SEMA4F: variants seen among roughly 807,000 people sequenced by gnomAD.
SEMA4F encodes ssemaphorin 4F, also known as semaphorin-4F.
SEMA4F carries 51 observed loss-of-function variants against 78.4 expected under a neutral mutation model. That is an observed-to-expected ratio of 0.65 (90% CI 0.52 to 0.82). SEMA4F has a LOEUF of 0.82. Ranked by LOEUF, SEMA4F falls within the 40% of genes least tolerant of loss-of-function variation. The pLI is 0.00. For synonymous variants in SEMA4F, 418 were observed against 408.7 expected (o/e 1.02, Z -0.27); for missense variants, 938 against 1,014.4 (o/e 0.92, Z 1.02).
At chr2:74,686,979 G>C (rs1425535782), downstream of SEMA4F, among the ~76,000 whole-genome samples, 1 of 151,802 alleles carries the variant, frequency 6.6e-6, no homozygotes, top group African/African-American at 2.4e-5. Context: ...AGAACTTAAA[G>C]TATAATTTAA....
intron 1 of SEMA4F, chr2:74,655,491 T>C (rs1684083547): frequency 5.4e-6 from 1 of 183,910 alleles, no homozygotes; most frequent in African/African-American, 2.4e-5. Context: ...GTACAACCTG[T>C]TGGCAACAAC....
At chr2:74,689,312 A>G in the SEMA4F span, among the ~76,000 whole-genome samples, 9 of 152,176 alleles carry the variant, frequency 5.9e-5, no homozygotes, top group East Asian at 1.9e-4. Context: ...TTTTCTGTCT[A>G]TGGAACCAGA....
chr2:74,708,954 C>G, the SEMA4F span, among the ~76,000 whole-genome samples: 1 of 152,122 alleles, frequency 6.6e-6, no homozygotes, highest in Admixed American at 6.5e-5. Flanking sequence ...TCGCTTGAGC[C>G]CAGGAGTTTG....
At chr2:74,668,705 G>A (rs1684821210) in intron 5 of SEMA4F, among the ~76,000 whole-genome samples, 1 of 151,388 alleles carries the variant, frequency 6.6e-6, no homozygotes, top group African/African-American at 2.4e-5. Flanking sequence ...CCACCTCCTG[G>A]GTTCAAGTGA....
the SEMA4F span, among the ~76,000 whole-genome samples, chr2:74,700,165 G>C: frequency 1.3e-5 from 2 of 151,628 alleles, no homozygotes; most frequent in Non-Finnish European, 2.9e-5. Context: ...TCTGCAGAAA[G>C]GACAGATAAT....
chr2:74,669,900 A>T (rs1045817295), intron 5 of SEMA4F, among the ~76,000 whole-genome samples: 1 of 151,430 alleles, frequency 6.6e-6, no homozygotes, highest in African/African-American at 2.4e-5. Context: ...TTTTTTTTGC[A>T]CTATAAAAGT....
chr2:74,663,200 CA>C (rs1433199269), intron 5 of SEMA4F, among the ~76,000 whole-genome samples: 1 of 152,108 alleles, frequency 6.6e-6, no homozygotes, highest in Non-Finnish European at 1.5e-5. Flanking sequence ...CAGCACTTTC[CA>C]AAAGAACTTT....
At chr2:74,659,325 C>G (rs1040306566) in intron 4 of SEMA4F, among the ~76,000 whole-genome samples, 5 of 152,180 alleles carry the variant, frequency 3.3e-5, no homozygotes, top group Non-Finnish European at 5.9e-5. Context: ...TGTGATTGTT[C>G]TAAGTTAGTC....
At chr2:74,678,119 C>A (rs533647969) in intron 12 of SEMA4F, among the ~76,000 whole-genome samples, 1 of 152,184 alleles carries the variant, frequency 6.6e-6, no homozygotes, top group South Asian at 2.1e-4. Context: ...AACTTTTAAA[C>A]ATCTAAGAGA....
chr2:74,666,820 G>C (rs1204464255), intron 5 of SEMA4F, among the ~76,000 whole-genome samples: 1 of 152,008 alleles, frequency 6.6e-6, no homozygotes, highest in African/African-American at 2.4e-5. Context: ...AATGAAAAGA[G>C]CTTTTAATTA....
rs553405604 is a variant in SEMA4F at position 74,674,995 on chromosome 2, C to T, written c.1109C>T (p.Pro370Leu). 6.2e-6 allele frequency: 10 copies of T among 1,613,992 alleles called. No individual in the cohort carries two copies. In the East Asian group the frequency reaches 2.0e-4, roughly 32 times the overall value. ...AAACATGACTGCAACAGAGGACTGC[C>T]TGTCGTGGACAATGATGTGCCCCAG... ...ELKHDCNRGLPVVDNDVPQPR... is the reference protein window; with the variant it reads ...ELKHDCNRGLLVVDNDVPQPR... Residue 370 changes from proline (P) to leucine (L), a missense_variant, in exon 9 of 14, where the codon CCT (proline) becomes CTT (leucine). By Grantham distance (98) the Pro-to-Leu change is moderately conservative. Transcript: ENST00000357877.
chr2:74,707,087 A>ATAAG, the SEMA4F span, among the ~76,000 whole-genome samples: 9 of 152,210 alleles, frequency 5.9e-5, no homozygotes, highest in Non-Finnish European at 1.2e-4. Context: ...TATCTGACAA[A>ATAAG]TGCATTTCAT....
At chr2:74,690,898 G>A in the SEMA4F span, among the ~76,000 whole-genome samples, 1 of 152,162 alleles carries the variant, frequency 6.6e-6, no homozygotes, top group Non-Finnish European at 1.5e-5. Context: ...TGTACTTGTA[G>A]TTTTCCTTCC....
At position 74,672,128 on chromosome 2, in the gene SEMA4F, G is replaced by T. The variant is rs192604809; in HGVS notation, c.551-1329G>T. Among the ~76,000 whole-genome samples, 13 of 152,316 alleles carry T rather than the reference G, an allele frequency of 8.5e-5. No homozygotes were observed. The East Asian group carries it at 2.3e-3, about 27-fold the overall frequency. On this transcript the variant is annotated intron_variant, in intron 5 of 13. Coordinates refer to ENST00000357877, the MANE Select transcript of SEMA4F (RefSeq NM_004263.5). ...TGCAGGGTAAAGTGCATATCTGCTG[G>T]CATGGCAGAGCAGACCAACCACAAC...
chr2:74,704,360 A>G, the SEMA4F span, among the ~76,000 whole-genome samples: 4 of 149,094 alleles, frequency 2.7e-5, no homozygotes, highest in Non-Finnish European at 5.9e-5. Context: ...TTGGATAAAG[A>G]TGTCAGCCCT....
chr2:74,698,666 C>A, the SEMA4F span, among the ~76,000 whole-genome samples: 2 of 152,214 alleles, frequency 1.3e-5, no homozygotes, highest in African/African-American at 4.8e-5. Flanking sequence ...AAATCCATAT[C>A]CACTGAGAGG....
chr2:74,671,398 G>GC (rs1684980520), intron 5 of SEMA4F, among the ~76,000 whole-genome samples: 1 of 152,058 alleles, frequency 6.6e-6, no homozygotes, highest in African/African-American at 2.4e-5. Context: ...CCTCCAAGTG[G>GC]CCCCCCACTC....
At chr2:74,670,429 T>C (rs1439998427) in intron 5 of SEMA4F, among the ~76,000 whole-genome samples, 1 of 152,216 alleles carries the variant, frequency 6.6e-6, no homozygotes, top group Non-Finnish European at 1.5e-5. Context: ...CAGTGATCCT[T>C]GGCTGTTCCA....
At chr2:74,698,656 AAAT>A in the SEMA4F span, among the ~76,000 whole-genome samples, 20 of 152,258 alleles carry the variant, frequency 1.3e-4, no homozygotes, top group African/African-American at 4.8e-4. Context: ...GAGTCATGCC[AAAT>A]CCATATCCAC....
Sources: gnomAD v4.1 joint callset for allele counts (sites outside exome capture counted in the v4.1 genomes callset) on GRCh38, gnomAD v4.1.1 for gene constraint, MANE v1.5 for transcripts, NCBI Gene and HGNC (gene_info 2026-07-23, HGNC 2026-07-21) for gene names.